ZFHX3: variants seen among roughly 807,000 people sequenced by gnomAD.
ZFHX3 encodes zinc finger homeobox 3, also known as zinc finger homeobox protein 3.
A neutral mutation model predicts 279.1 loss-of-function variants in ZFHX3; 42 were observed. The ratio of observed to expected loss-of-function variants is 0.15; its 90% CI spans 0.12 to 0.19. ZFHX3 has a LOEUF of 0.19. Among genes scored for constraint, ZFHX3 ranks in the 10% least tolerant of loss-of-function variants. The pLI is 1.00. For missense variants in ZFHX3, 4,981 were observed against 4,754.0 expected (o/e 1.05, Z -1.40); for synonymous variants, 2,293 against 1,957.8 (o/e 1.17, Z -4.52).
chr16:73,623,689 G>A (rs1249452538), intron 2 of ZFHX3, among the ~76,000 whole-genome samples: 1 of 152,140 alleles, frequency 6.6e-6, no homozygotes, highest in East Asian at 1.9e-4. Flanking sequence ...TGCTTTGTCT[G>A]ACGTGTTGGT....
At chr16:73,060,025 C>T (rs1382516589), upstream of ZFHX3, among the ~76,000 whole-genome samples, 2 of 152,048 alleles carry the variant, frequency 1.3e-5, no homozygotes, top group Non-Finnish European at 2.9e-5. Context: ...AAAGTAAAAT[C>T]AATTTTCTCG....
At chr16:72,935,176 C>T (rs2144316744) in intron 3 of ZFHX3, among the ~76,000 whole-genome samples, 1 of 152,278 alleles carries the variant, frequency 6.6e-6, no homozygotes, top group Non-Finnish European at 1.5e-5. Flanking sequence ...GGACGTTATC[C>T]TGCGCATAGC....
chr16:72,997,691 T>C (rs1963346607), intron 1 of ZFHX3, among the ~76,000 whole-genome samples: 2 of 152,352 alleles, frequency 1.3e-5, no homozygotes, highest in South Asian at 4.1e-4. Context: ...CACACATCTA[T>C]GGCTCTTCCT....
At chr16:73,132,465 G>A (rs867785864) in intron 6 of ZFHX3, among the ~76,000 whole-genome samples, 1 of 152,120 alleles carries the variant, frequency 6.6e-6, no homozygotes, top group African/African-American at 2.4e-5. Context: ...ATGATAGCAG[G>A]TTTCAGGAAC....
At chr16:73,161,910 G>C (rs567161905) in intron 5 of ZFHX3, among the ~76,000 whole-genome samples, 1 of 152,204 alleles carries the variant, frequency 6.6e-6, no homozygotes, top group South Asian at 2.1e-4. Context: ...GAAGAGGGGT[G>C]TGTCTCTAAG....
chr16:73,004,507 T>C (rs1963634385), intron 1 of ZFHX3, among the ~76,000 whole-genome samples: 1 of 151,532 alleles, frequency 6.6e-6, no homozygotes, highest in South Asian at 2.1e-4. Flanking sequence ...AGAGATGGGG[T>C]TTCCCCATGT....
chr16:73,451,951 G>T (rs1163012781), intron 3 of ZFHX3, among the ~76,000 whole-genome samples: 1 of 152,116 alleles, frequency 6.6e-6, no homozygotes, highest in East Asian at 1.9e-4. Flanking sequence ...CAGACTTATA[G>T]ACAATTCAGA....
intron 2 of ZFHX3, among the ~76,000 whole-genome samples, chr16:73,556,240 G>A (rs888263620): frequency 1.3e-5 from 2 of 152,152 alleles, no homozygotes; most frequent in Non-Finnish European, 2.9e-5. Context: ...GGCACACCGA[G>A]CCCAGAGACA....
chr16:73,888,704 C>G (rs2030429541), intron 1 of ZFHX3, among the ~76,000 whole-genome samples: 1 of 152,142 alleles, frequency 6.6e-6, no homozygotes, highest in Admixed American at 6.5e-5. Flanking sequence ...CAAAAGAATA[C>G]TCAAGAAGAT....
At position 72,958,334 on chromosome 16, in the gene ZFHX3, T is replaced by C; in HGVS notation, c.1812A>G (p.Glu604=). 6.2e-7 allele frequency: 1 copy of C among 1,614,002 alleles called. No individual in the cohort carries two copies. The highest frequency in any genetic ancestry group is 8.5e-7 in the Non-Finnish European group (1 of 1,179,888). ...SANKDNATAP[E]PNESTEGDDG... ...CGTCACCCTCTGTGCTTTCATTTGG[T>C]TCTGGTGCTGTGGCATTGTCTTTAT... Residue 604 remains glutamate (E), a synonymous_variant, in exon 2 of 10, where the codon GAA becomes GAG. Coordinates refer to ENST00000268489, the MANE Select transcript of ZFHX3 (RefSeq NM_006885.4).
rs547618913 is a variant in ZFHX3 at position 72,907,545 on chromosome 16, T to TTGTGTGTGTGTGTGTGTG, written c.3217-17601_3217-17584dup. 4.7e-4 allele frequency among the ~76,000 whole-genome samples: 57 copies of TTGTGTGTGTGTGTGTGTG among 120,476 alleles called. 1 individual carries two copies. Among genetic ancestry groups the TTGTGTGTGTGTGTGTGTG allele is most frequent in the African/African-American group, 8.3e-4 (26 of 31,302 alleles). 79.0% of individuals were successfully genotyped at this position (120,476 alleles called of 152,430 possible). ...CTCGGTTTCCAAAGGTTTCCTCTAT[T>TTGTGTGTGTGTGTGTGTG]TGTGTGTGTGTGTGTGTGTGTGTGT... On this transcript the variant is annotated intron_variant, in intron 3 of 9. Coordinates refer to ENST00000268489, the MANE Select transcript of ZFHX3 (RefSeq NM_006885.4).
rs574313864 is a variant in ZFHX3, at chr16:72,851,881, G to C, written c.3449-22022C>G. ...TTCATTTAAAATGCTGTAATAATAA[G>C]GCATGCTCAAATGTGATATATGCCA... On this transcript the variant is annotated intron_variant, in intron 4 of 9. Coordinates refer to ENST00000268489, the MANE Select transcript of ZFHX3 (RefSeq NM_006885.4). Among the ~76,000 whole-genome samples, 7 of 152,226 alleles carry C rather than the reference G, an allele frequency of 4.6e-5. No individual in the cohort carries two copies. In the South Asian group the frequency reaches 1.5e-3, roughly 32 times the overall value.
intron 4 of ZFHX3, among the ~76,000 whole-genome samples, chr16:73,272,339 T>G (rs543260493): frequency 6.6e-6 from 1 of 152,198 alleles, no homozygotes; most frequent in Non-Finnish European, 1.5e-5. Flanking sequence ...TTATTGGTCT[T>G]TGAAGTAAAA....
intron 4 of ZFHX3, among the ~76,000 whole-genome samples, chr16:73,262,767 G>A (rs1344971040): frequency 6.6e-6 from 1 of 152,134 alleles, no homozygotes; most frequent in African/African-American, 2.4e-5. Context: ...AGCCTGGATT[G>A]TAAGGGGTCT....
chr16:73,604,877 T>A (rs1438821938), intron 2 of ZFHX3, among the ~76,000 whole-genome samples: 1 of 152,218 alleles, frequency 6.6e-6, no homozygotes, highest in Admixed American at 6.5e-5. Context: ...CTGGACCTTT[T>A]TTTCAATCTC....
chr16:73,015,240 T>C lies in ZFHX3; in HGVS notation c.-50+32512A>G, dbSNP rs553492930. ...TTTTGTATTTCTTGTAGAGACAGGG[T>C]TTTGCTGTGTTGCCCAGGTTGGTCT... On this transcript the variant is annotated intron_variant, in intron 1 of 9. Coordinates refer to ENST00000268489, the MANE Select transcript of ZFHX3 (RefSeq NM_006885.4). 8 of 151,652 alleles carry C rather than the reference T, an allele frequency of 5.3e-5. No homozygotes were observed. The East Asian group carries it at 1.2e-3, about 22-fold the overall frequency. 9.4% of individuals were successfully genotyped at this position (151,652 alleles called of 1,614,324 possible).
At chr16:73,571,920 A>C (rs1225629871) in intron 2 of ZFHX3, among the ~76,000 whole-genome samples, 1 of 152,140 alleles carries the variant, frequency 6.6e-6, no homozygotes, top group Non-Finnish European at 1.5e-5. Flanking sequence ...ATATAAGATC[A>C]CCCATATAGT....
chr16:72,801,912 G>A (rs1225642898), intron 7 of ZFHX3, among the ~76,000 whole-genome samples: 2 of 151,680 alleles, frequency 1.3e-5, no homozygotes, highest in Non-Finnish European at 2.9e-5. Flanking sequence ...AAGAGGGGGA[G>A]AAAGGGAAAG....
intron 5 of ZFHX3, among the ~76,000 whole-genome samples, chr16:73,216,390 T>TTA (rs1225694196): frequency 6.6e-6 from 1 of 152,198 alleles, no homozygotes; most frequent in East Asian, 1.9e-4. Flanking sequence ...CTGAATTGGT[T>TTA]CCCGTCCTCT....
Sources: allele counts gnomAD v4.1 joint callset (sites outside exome capture counted in the v4.1 genomes callset), GRCh38; gene constraint gnomAD v4.1.1; transcripts MANE v1.5; gene names NCBI Gene and HGNC (gene_info 2026-07-23, HGNC 2026-07-21).